PNPLA1: variants seen among roughly 807,000 people sequenced by gnomAD.
PNPLA1 encodes patatin like domain 1, omega-hydroxyceramide transacylase.
Under a neutral mutation model 51.7 loss-of-function variants are expected in PNPLA1, and 36 were observed. The observed-to-expected ratio is 0.70, with a 90% CI of 0.53 to 0.92. PNPLA1 has a LOEUF of 0.92. Among genes scored for constraint, PNPLA1 ranks in the 40% least tolerant of loss-of-function variants. The pLI is 0.00. For missense variants in PNPLA1, 658 were observed against 682.5 expected (o/e 0.96, Z 0.40); for synonymous variants, 293 against 280.1 (o/e 1.05, Z -0.46).
intron 5 of PNPLA1, among the ~76,000 whole-genome samples, chr6:36,299,294 A>G (rs1367986503): frequency 1.3e-5 from 2 of 148,972 alleles, no homozygotes; most frequent in Non-Finnish European, 3.0e-5. Context: ...GAGCGTTCCC[A>G]TTCCTCCAAA....
chr6:36,288,805 C>T (rs747846168), intron 1 of PNPLA1, among the ~76,000 whole-genome samples: 2 of 151,912 alleles, frequency 1.3e-5, no homozygotes, highest in African/African-American at 2.4e-5. Flanking sequence ...GGTGCGGTGG[C>T]ACATGCCTGT....
At chr6:36,250,334 T>C (rs1010423172) in intron 1 of PNPLA1, among the ~76,000 whole-genome samples, 2 of 152,164 alleles carry the variant, frequency 1.3e-5, no homozygotes, top group Admixed American at 1.3e-4. Context: ...AGTCCTGTGA[T>C]CATGAGGCAC....
At position 36,286,226 on chromosome 6, in the gene PNPLA1, G is replaced by T. The variant is rs1770483518; in HGVS notation, c.206-5094G>T. The stretch of plus-strand genomic sequence containing the variant: ...GAAAGGTGTTATTTAAGTGGCCAGT[G>T]ATGATCTAGATAGCATGTGGTGAAG... On this transcript the variant is annotated intron_variant, in intron 1 of 8. Transcript: ENST00000636260. Among the ~76,000 whole-genome samples, 4 of 152,200 alleles carry T rather than the reference G, an allele frequency of 2.6e-5. No individual in the cohort carries two copies. In the South Asian group the frequency reaches 8.3e-4, roughly 31 times the overall value.
upstream of PNPLA1, among the ~76,000 whole-genome samples, chr6:36,268,948 T>A (rs1769829055): frequency 6.6e-6 from 1 of 151,114 alleles, no homozygotes; most frequent in Admixed American, 6.6e-5. Flanking sequence ...CTCAGATATC[T>A]GCACACACAT....
chr6:36,273,965 G>A (rs1000495602), intron 1 of PNPLA1, among the ~76,000 whole-genome samples: 2 of 152,074 alleles, frequency 1.3e-5, no homozygotes, highest in Non-Finnish European at 2.9e-5. Flanking sequence ...AAGGGTGAGG[G>A]AGGTATGTGT....
intron 1 of PNPLA1, among the ~76,000 whole-genome samples, chr6:36,288,609 C>T (rs1380387414): frequency 5.3e-5 from 8 of 151,392 alleles, no homozygotes; most frequent in African/African-American, 7.3e-5. Flanking sequence ...CCCGCCACCG[C>T]GCCCGGCTAA....
intron 1 of PNPLA1, among the ~76,000 whole-genome samples, chr6:36,289,030 C>T (rs1770593622): frequency 1.3e-5 from 2 of 152,082 alleles, no homozygotes; most frequent in African/African-American, 4.8e-5. Context: ...TTATATGACC[C>T]CTTATAAGTA....
upstream of PNPLA1, among the ~76,000 whole-genome samples, chr6:36,267,618 T>C (rs1162505687): frequency 2.0e-5 from 3 of 152,128 alleles, no homozygotes; most frequent in Non-Finnish European, 2.9e-5. Context: ...CTGAAGCCCA[T>C]GTACAGCAGG....
chr6:36,277,842 TGACA>T (rs1016706603), intron 1 of PNPLA1, among the ~76,000 whole-genome samples: 28 of 151,612 alleles, frequency 1.8e-4, no homozygotes, highest in Non-Finnish European at 2.9e-4. Context: ...CCAGCCTGGG[TGACA>T]GACAGAGACC....
intron 8 of PNPLA1, among the ~76,000 whole-genome samples, chr6:36,309,916 A>G (rs1771349714): frequency 6.6e-6 from 1 of 152,204 alleles, no homozygotes; most frequent in Non-Finnish European, 1.5e-5. Flanking sequence ...TGTCACATCC[A>G]TGGCTAGTCC....
At chr6:36,285,006 C>T (rs1261836058) in intron 1 of PNPLA1, among the ~76,000 whole-genome samples, 1 of 152,128 alleles carries the variant, frequency 6.6e-6, no homozygotes, top group East Asian at 1.9e-4. Context: ...GTCACTGCTC[C>T]TCGGAGGCTG....
At chr6:36,243,965 T>G (rs1340838711) in intron 1 of PNPLA1, among the ~76,000 whole-genome samples, 1 of 152,160 alleles carries the variant, frequency 6.6e-6, no homozygotes, top group Non-Finnish European at 1.5e-5. Context: ...GTTGGAGGCA[T>G]TATGTAATTG....
At chr6:36,311,316 G>T (rs1771404028) in intron 8 of PNPLA1, among the ~76,000 whole-genome samples, 1 of 152,236 alleles carries the variant, frequency 6.6e-6, no homozygotes, top group Admixed American at 6.5e-5. Flanking sequence ...GAGGATAAGG[G>T]TGTGGGAGGG....
chr6:36,283,906 T>C (rs1449588579), intron 1 of PNPLA1, among the ~76,000 whole-genome samples: 1 of 152,186 alleles, frequency 6.6e-6, no homozygotes, highest in Non-Finnish European at 1.5e-5. Context: ...GCAGAATTAA[T>C]TTCCACCTTG....
Position 36,270,609 on chromosome 6 carries a change from GGGGACATCGGCA to G in PNPLA1, c.153_164del (p.Thr52_Gly55del). ...TGCTGGAAACAGCCCACCGCTTTGC[GGGGACATCGGCA>G]GGTGCTGTGATCGCCGCCCTGGCCA... On this transcript the variant is annotated inframe_deletion, in exon 1 of 9. Coordinates refer to ENST00000636260, the MANE Select transcript of PNPLA1 (RefSeq NM_001374623.1). The G allele has an allele frequency of 6.4e-7, 1 of 1,551,630 alleles. No individual in the cohort carries two copies. The highest frequency in any genetic ancestry group is 8.7e-7 in the Non-Finnish European group (1 of 1,147,004).
chr6:36,280,580 T>G (rs1410092777), intron 1 of PNPLA1, among the ~76,000 whole-genome samples: 1 of 152,154 alleles, frequency 6.6e-6, no homozygotes, highest in South Asian at 2.1e-4. Flanking sequence ...GGTCCTAGCT[T>G]TAAGCAGAGG....
At chr6:36,274,496 T>C (rs1770031098) in intron 1 of PNPLA1, among the ~76,000 whole-genome samples, 1 of 152,064 alleles carries the variant, frequency 6.6e-6, no homozygotes, top group South Asian at 2.1e-4. Context: ...GGCTAGATCT[T>C]TTTAGTTAGT....
In PNPLA1 at chr6:36,282,206, A is replaced by C. The variant is rs369670752; in HGVS notation, c.206-9114A>C. 4.2e-5 allele frequency among the ~76,000 whole-genome samples: 3 copies of C among 70,878 alleles called. No individual in the cohort carries two copies. In the East Asian group the frequency reaches 1.4e-3, roughly 34 times the overall value. The allele number at this position is 70,878 out of a possible 152,430, so 46.5% of individuals were successfully genotyped here. ...GAAAGAAAGAAAGAAGGAAGGAAGG[A>C]AGGAAGGGAAGGAAGGAAGGAAGGA... is the stretch of plus-strand genomic sequence containing the variant. On this transcript the variant is annotated intron_variant, in intron 1 of 8. Coordinates refer to ENST00000636260, the MANE Select transcript of PNPLA1 (RefSeq NM_001374623.1).
intron 6 of PNPLA1, among the ~76,000 whole-genome samples, chr6:36,305,711 G>T (rs1771208036): frequency 6.6e-6 from 1 of 150,586 alleles, no homozygotes; most frequent in Non-Finnish European, 1.5e-5. Flanking sequence ...TCCCTAACAT[G>T]CTGCTTTCTG....
Sources: gnomAD v4.1 joint callset for allele counts (sites outside exome capture counted in the v4.1 genomes callset) on GRCh38, gnomAD v4.1.1 for gene constraint, MANE v1.5 for transcripts, NCBI Gene and HGNC (gene_info 2026-07-23, HGNC 2026-07-21) for gene names.